PRKAA2: variants seen among roughly 807,000 people sequenced by gnomAD.
PRKAA2 encodes the protein 5'-AMP-activated protein kinase catalytic subunit alpha-2.
Under a neutral mutation model 56.3 loss-of-function variants are expected in PRKAA2, and 40 were observed. That is an observed-to-expected ratio of 0.71 (90% CI 0.55 to 0.92). PRKAA2 has a LOEUF of 0.92. Ranked by LOEUF, PRKAA2 falls within the 40% of genes least tolerant of loss-of-function variation. The pLI is 0.00. For missense variants in PRKAA2, 542 were observed against 686.9 expected (o/e 0.79, Z 2.36); for synonymous variants, 214 against 234.2 (o/e 0.91, Z 0.79).
intron 1 of PRKAA2, among the ~76,000 whole-genome samples, chr1:56,667,633 G>T (rs1358968657): frequency 6.6e-6 from 1 of 151,580 alleles, no homozygotes; most frequent in African/African-American, 2.4e-5. Flanking sequence ...ATTTCTCTAA[G>T]TCTTAGTTTC....
chr1:56,678,613 T>G (rs561137040), intron 2 of PRKAA2, among the ~76,000 whole-genome samples: 156 of 152,354 alleles, frequency 1.0e-3, no homozygotes, highest in African/African-American at 3.7e-3. Context: ...CTTTTTTTTC[T>G]TTCCTCCATA....
chr1:56,667,193 T>C (rs1644042519), intron 1 of PRKAA2, among the ~76,000 whole-genome samples: 1 of 152,326 alleles, frequency 6.6e-6, no homozygotes, highest in South Asian at 2.1e-4. Flanking sequence ...TACACATGCC[T>C]TCCATCAGAG....
intron 1 of PRKAA2, among the ~76,000 whole-genome samples, chr1:56,668,252 T>C (rs1448770558): frequency 2.1e-5 from 2 of 96,794 alleles, no homozygotes; most frequent in Non-Finnish European, 3.9e-5. Flanking sequence ...CATCACACTC[T>C]GGGGACTGTT....
At chr1:56,703,904 C>T in intron 6 of PRKAA2, 67 bp from the exon 7 acceptor site, 1 of 1,460,206 alleles carries the variant, frequency 6.8e-7, no homozygotes, top group Non-Finnish European at 9.3e-7. Context: ...TTATATTGCC[C>T]TATGTCTAAA....
chr1:56,690,741 G>A (rs1193592783), intron 2 of PRKAA2, among the ~76,000 whole-genome samples: 1 of 151,864 alleles, frequency 6.6e-6, no homozygotes, highest in African/African-American at 2.4e-5. Flanking sequence ...ATCATGTTAC[G>A]TGTCCAGGAA....
intron 4 of PRKAA2, among the ~76,000 whole-genome samples, chr1:56,693,210 C>T (rs1241498037): frequency 6.6e-6 from 1 of 152,138 alleles, no homozygotes; most frequent in East Asian, 1.9e-4. Flanking sequence ...CTCTATTTCT[C>T]TTCCTTCTCT....
intron 1 of PRKAA2, among the ~76,000 whole-genome samples, chr1:56,665,467 C>A (rs1465130887): frequency 6.6e-6 from 1 of 152,172 alleles, no homozygotes; most frequent in Non-Finnish European, 1.5e-5. Flanking sequence ...AGATTAGCAG[C>A]ATTGAAAGCT....
Position 56,706,195 on chromosome 1 carries a change from T to G in PRKAA2, c.1397T>G (p.Leu466Arg). The change falls in exon 8 of 9, where the codon CTT becomes CGT. Residue 466 changes from leucine to arginine, a missense_variant. This residue lies in a region of PRKAA2 where 158 missense variants were observed against 166.1 expected (regional missense o/e 0.95). Transcript: ENST00000371244. The part of the protein sequence containing the change: ...QLYLVDNRSY[L>R]LDFKSIDDEV... ...TACCTGGTTGATAACAGGAGCTATC[T>G]TTTGGACTTTAAAAGCATTGATGGT... 6.2e-7 allele frequency: 1 copy of G among 1,613,650 alleles called. No individual in the cohort carries two copies. The highest frequency in any genetic ancestry group is 8.5e-7 in the Non-Finnish European group (1 of 1,179,906).
intron 1 of PRKAA2, among the ~76,000 whole-genome samples, chr1:56,651,820 A>C (rs1256435787): frequency 6.6e-6 from 1 of 151,678 alleles, no homozygotes. Flanking sequence ...TAGTGATTTC[A>C]GTGTGTTTAC....
intron 1 of PRKAA2, among the ~76,000 whole-genome samples, chr1:56,672,090 G>A (rs1324397787): frequency 1.3e-5 from 2 of 151,982 alleles, no homozygotes; most frequent in African/African-American, 4.8e-5. Flanking sequence ...AGAAGAGGAG[G>A]AGAATGCTGA....
At chr1:56,666,863 A>G (rs1644040020) in intron 1 of PRKAA2, among the ~76,000 whole-genome samples, 1 of 152,194 alleles carries the variant, frequency 6.6e-6, no homozygotes, top group South Asian at 2.1e-4. Context: ...AATTAGGTGC[A>G]TAACATGCTG....
At chr1:56,690,599 A>G (rs530453382) in intron 2 of PRKAA2, among the ~76,000 whole-genome samples, 3 of 152,376 alleles carry the variant, frequency 2.0e-5, no homozygotes, top group South Asian at 2.1e-4. Flanking sequence ...TCTATACAGC[A>G]TAATTGGTCA....
At chr1:56,651,680 A>G (rs749183976) in intron 1 of PRKAA2, among the ~76,000 whole-genome samples, 20 of 152,158 alleles carry the variant, frequency 1.3e-4, no homozygotes, top group Non-Finnish European at 1.8e-4. Flanking sequence ...GTTTTTTGAA[A>G]TGCCATATAT....
chr1:56,668,411 T>TA (rs11353693), intron 1 of PRKAA2, among the ~76,000 whole-genome samples: 30,358 of 142,122 alleles, frequency 0.21, 3,819 homozygotes, highest in South Asian at 0.37. Flanking sequence ...ACTTAAAGTA[T>TA]AAAAAAAAAA....
chr1:56,676,752 T>C (rs1324695093), intron 2 of PRKAA2, among the ~76,000 whole-genome samples: 2 of 152,230 alleles, frequency 1.3e-5, no homozygotes, highest in Non-Finnish European at 2.9e-5. Flanking sequence ...GGCTTATTGG[T>C]ATTTTTAATG....
chr1:56,678,665 G>A (rs1366143486), intron 2 of PRKAA2, among the ~76,000 whole-genome samples: 1 of 148,742 alleles, frequency 6.7e-6, no homozygotes, highest in African/African-American at 2.5e-5. Context: ...AAAGATGCTT[G>A]TTAGTCTGGT....
At chr1:56,685,334 A>AG (rs11378853) in intron 2 of PRKAA2, among the ~76,000 whole-genome samples, 150,128 of 152,268 alleles carry the variant, frequency 0.99, 74,010 homozygotes, top group East Asian at 1. Flanking sequence ...GGAGTTAGTA[A>AG]AAGATTGATT....
chr1:56,705,359 G>A (rs1229248752), intron 7 of PRKAA2, among the ~76,000 whole-genome samples: 8 of 151,894 alleles, frequency 5.3e-5, no homozygotes, highest in Admixed American at 5.3e-4. Flanking sequence ...TACCACAGAT[G>A]TTTTGAAAAC....
intron 2 of PRKAA2, among the ~76,000 whole-genome samples, chr1:56,690,317 C>A (rs2100422389): frequency 6.6e-6 from 1 of 152,180 alleles, no homozygotes; most frequent in South Asian, 2.1e-4. Flanking sequence ...GTGCCCGCCA[C>A]CATGCCCAGC....
Sources: allele counts gnomAD v4.1 joint callset (sites outside exome capture counted in the v4.1 genomes callset), GRCh38; gene constraint gnomAD v4.1.1; regional missense constraint gnomAD v4.1.1; transcripts MANE v1.5; gene names NCBI Gene and HGNC (gene_info 2026-07-23, HGNC 2026-07-21).